OLFM1: variants seen among roughly 807,000 people sequenced by gnomAD.
OLFM1 encodes noelin.
OLFM1 carries 9 observed loss-of-function variants against 49.7 expected under a neutral mutation model. That is an observed-to-expected ratio of 0.18 (90% CI 0.11 to 0.32). The LOEUF (loss-of-function observed/expected upper bound fraction) is 0.32. Ranked by LOEUF, OLFM1 falls within the 10% of genes least tolerant of loss-of-function variation. OLFM1 has a pLI of 1.00. For synonymous variants in OLFM1, 240 were observed against 271.8 expected, an observed-to-expected ratio of 0.88 and a Z score of 1.15; for missense variants, 369 against 661.8, an observed-to-expected ratio of 0.56 and a Z score of 4.85.
At chr9:135,094,285 G>T (rs1395885934) in intron 2 of OLFM1, among the ~76,000 whole-genome samples, 1 of 152,212 alleles carries the variant, frequency 6.6e-6, no homozygotes, top group African/African-American at 2.4e-5. Flanking sequence ...GCTGTGGGGG[G>T]ACAGCTGTGT....
At chr9:135,084,505 TC>T (rs1830573465), upstream of OLFM1, among the ~76,000 whole-genome samples, 4 of 149,776 alleles carry the variant, frequency 2.7e-5, no homozygotes, top group African/African-American at 4.9e-5. This position sits in a 1 kb window ranked among gnomAD's most constrained non-coding sequence, Gnocchi z 4.6. Flanking sequence ...CTCTTCTCTC[TC>T]CTCTCTCTCT....
intron 1 of OLFM1, among the ~76,000 whole-genome samples, chr9:135,079,803 C>A (rs192661152): frequency 1.3e-5 from 2 of 152,226 alleles, no homozygotes; most frequent in African/African-American, 4.8e-5. Flanking sequence ...TAAAACATGA[C>A]ACCCCTGGAT....
intron 5 of OLFM1, 24 bp from the exon 6 acceptor site, chr9:135,119,480 C>T (rs1480339639): frequency 1.3e-6 from 2 of 1,574,020 alleles, no homozygotes; most frequent in Middle Eastern, 1.7e-4. Context: ...GAAGTGCTCA[C>T]CACCGGGTCT....
intron 2 of OLFM1, among the ~76,000 whole-genome samples, chr9:135,095,554 A>G (rs375424319): frequency 6.6e-6 from 1 of 151,496 alleles, no homozygotes; most frequent in South Asian, 2.1e-4. Context: ...GATCAAGAGA[A>G]ATCACCCAGC....
chr9:135,083,543 G>A (rs1830558517), upstream of OLFM1, among the ~76,000 whole-genome samples: 1 of 152,178 alleles, frequency 6.6e-6, no homozygotes, highest in South Asian at 2.1e-4. Flanking sequence ...AGGGCAAGTA[G>A]CTCCCCATCA....
intron 4 of OLFM1, among the ~76,000 whole-genome samples, chr9:135,101,475 C>A (rs763180678): frequency 6.6e-6 from 1 of 152,224 alleles, no homozygotes; most frequent in African/African-American, 2.4e-5. Context: ...AAAACAAGGA[C>A]CAGGGCTCCA....
chr9:135,098,020 GA>G lies in OLFM1; in HGVS notation c.457-256del, dbSNP rs199608131. On this transcript the variant is annotated intron_variant, in intron 3 of 5. Transcript: ENST00000371793. This position sits in a 1 kb window ranked among gnomAD's most constrained non-coding sequence, Gnocchi z 5.6. ...GTCAATGCATTTTTTGAAAAAGAAA[GA>G]AAAAAAAAACTTCGTGTATGTGACT... The G allele has an allele frequency of 3.4e-4, 437 of 1,293,512 alleles. No individual in the cohort carries two copies. Among genetic ancestry groups the G allele is most frequent in the East Asian group, 3.2e-3 (111 of 34,574 alleles). The allele number at this position is 1,293,512 out of a possible 1,614,324, so 80.1% of individuals were successfully genotyped here.
chr9:135,120,105 A>G lies in OLFM1; in HGVS notation c.1385A>G (p.Tyr462Cys), dbSNP rs1478826008. Residue 462 changes from tyrosine to cysteine, a missense_variant, in exon 6 of 6, where the codon TAT becomes TGT. Around this residue, in one of 3 missense-constraint regions of OLFM1, gnomAD observed 294 missense variants for 567.5 expected, o/e 0.52. Transcript: ENST00000371793. ...TACAACCCCAAGGACCGGGCCCTGTATGCCTGGAACAACGGCCACCAGATC... is the reference window on the plus strand; with the variant it reads ...TACAACCCCAAGGACCGGGCCCTGTGTGCCTGGAACAACGGCCACCAGATC... ...LDYNPKDRAL[Y>C]AWNNGHQILY... 1 of 1,614,044 alleles carries G rather than the reference A, an allele frequency of 6.2e-7. No homozygotes were observed.
chr9:135,093,275 G>T (rs1042753993), intron 2 of OLFM1, among the ~76,000 whole-genome samples: 3 of 152,228 alleles, frequency 2.0e-5, no homozygotes, highest in South Asian at 4.1e-4. Flanking sequence ...CAGGCGTGTG[G>T]CACGGGCTCC....
chr9:135,115,539 C>T (rs561121574), intron 5 of OLFM1, among the ~76,000 whole-genome samples: 6 of 152,370 alleles, frequency 3.9e-5, no homozygotes, highest in East Asian at 3.9e-4. Context: ...CACCCACTGA[C>T]GTGTGGGACC....
intron 5 of OLFM1, among the ~76,000 whole-genome samples, chr9:135,107,576 C>G (rs1830963133): frequency 6.6e-6 from 1 of 152,088 alleles, no homozygotes. Context: ...CTTGTAGACT[C>G]CCTCCAAAGT....
Position 135,120,487 on chromosome 9 carries a change from A to C in OLFM1, c.*309A>C. 1 of 372,222 alleles carries C rather than the reference A, an allele frequency of 2.7e-6. No individual in the cohort carries two copies. Among genetic ancestry groups the C allele is most frequent in the Non-Finnish European group, 4.9e-6 (1 of 205,250 alleles). The allele number at this position is 372,222 out of a possible 1,614,324, so 23.1% of individuals were successfully genotyped here. A position where few individuals can be genotyped will look rare whatever the true frequency, so the allele number is the denominator to read the frequency against. ...AGAGGCGAGGCAATGACTGTTGGCC[A>C]GTTCTCACCGGGGAAAAACCCACTG... On this transcript the variant is annotated 3_prime_UTR_variant, in exon 6 of 6. Transcript: ENST00000371793.
At chr9:135,076,569 G>T in intron 1 of OLFM1, 1 of 1,088,390 alleles carries the variant, frequency 9.2e-7, no homozygotes, top group Non-Finnish European at 1.3e-6. Flanking sequence ...TGTGAGCGCC[G>T]AACTGGGAGG....
At chr9:135,102,850 T>G (rs1317328422) in intron 4 of OLFM1, among the ~76,000 whole-genome samples, 1 of 152,104 alleles carries the variant, frequency 6.6e-6, no homozygotes, top group Non-Finnish European at 1.5e-5. Context: ...TCCTGGTCTG[T>G]CTCCTTTGTT....
chr9:135,116,881 A>AG (rs1401134129), intron 5 of OLFM1, among the ~76,000 whole-genome samples: 1 of 151,924 alleles, frequency 6.6e-6, no homozygotes, highest in Non-Finnish European at 1.5e-5. Flanking sequence ...CCAGCTGAAA[A>AG]AAAAAAAAAG....
In OLFM1 at chr9:135,088,959, G is replaced by C. The variant is rs1475194790; in HGVS notation, c.150+820G>C. Among the ~76,000 whole-genome samples, 3 of 152,208 alleles carry C rather than the reference G, an allele frequency of 2.0e-5. No homozygotes were observed. The highest frequency in any genetic ancestry group is 2.1e-4 in the South Asian group (1 of 4,834). ...GGCTGAGCGAGGCTGAGCTGAAACC[G>C]CCACCCGGAGGGCCGCGCGGGGAAG... On this transcript the variant is annotated intron_variant, in intron 1 of 5. Transcript: ENST00000371793. The surrounding 1 kb of genome is among the most constrained non-coding windows in gnomAD (Gnocchi z 4.8).
At position 135,095,904 on chromosome 9, in the gene OLFM1, G is replaced by A. The variant is rs750555263; in HGVS notation, c.341G>A (p.Arg114Gln). The change falls in exon 3 of 6, where the codon CGG (arginine) becomes CAG (glutamine). Residue 114 changes from arginine (R) to glutamine (Q), a missense_variant. Physicochemically the swap from Arg to Gln is conservative, Grantham distance 43. Transcript: ENST00000371793. ...CAATCCATAGAGGTCTTGGACAGGC[G>A]GACCCAGAGAGACTTGCAGTACGTG... ...MSQSIEVLDRRTQRDLQYVEK... is the reference protein window; with the variant it reads ...MSQSIEVLDRQTQRDLQYVEK... 3.7e-6 allele frequency: 6 copies of A among 1,613,030 alleles called. No homozygotes were observed. Among genetic ancestry groups the A allele is most frequent in the East Asian group, 4.5e-5 (2 of 44,846 alleles).
intron 1 of OLFM1, among the ~76,000 whole-genome samples, chr9:135,079,564 C>T (rs1216455207): frequency 6.6e-6 from 1 of 152,026 alleles, no homozygotes; most frequent in African/African-American, 2.4e-5. Flanking sequence ...GAGACTGCAC[C>T]ACTGCACTCC....
Position 135,120,363 on chromosome 9 carries a change from A to T in OLFM1, c.*185A>T. Reference sequence around the variant, plus strand: ...TCCCTTTCGAGCCGGCGGGCCACAGACGTCGGAAGAAACTCCCGTATTTGC... The same window carrying T: ...TCCCTTTCGAGCCGGCGGGCCACAGTCGTCGGAAGAAACTCCCGTATTTGC... On this transcript the variant is annotated 3_prime_UTR_variant, in exon 6 of 6. Coordinates refer to ENST00000371793, the MANE Select transcript of OLFM1 (RefSeq NM_001282611.2). The T allele has an allele frequency of 1.6e-6, 1 of 627,972 alleles. No individual in the cohort carries two copies. 38.9% of individuals were successfully genotyped at this position (627,972 alleles called of 1,614,324 possible). A position where few individuals can be genotyped will look rare whatever the true frequency, so the allele number is the denominator to read the frequency against.
Sources: allele counts gnomAD v4.1 joint callset (sites outside exome capture counted in the v4.1 genomes callset), GRCh38; gene constraint gnomAD v4.1.1; regional missense constraint gnomAD v4.1.1; non-coding constraint Gnocchi (gnomAD v3.1); transcripts MANE v1.5; gene names NCBI Gene and HGNC (gene_info 2026-07-23, HGNC 2026-07-21).